Variants in FTO observed in about 807,000 individuals in gnomAD.
FTO encodes the protein alpha-ketoglutarate-dependent dioxygenase FTO.
A neutral mutation model predicts 63.9 loss-of-function variants in FTO; 47 were observed. The observed-to-expected ratio is 0.74, with a 90% CI of 0.58 to 0.94. FTO has a LOEUF of 0.94. Among genes scored for constraint, FTO ranks in the 40% least tolerant of loss-of-function variants. The pLI is 0.00. For synonymous variants in FTO, 207 were observed against 224.4 expected, an observed-to-expected ratio of 0.92 and a Z score of 0.69; for missense variants, 562 against 618.1, an observed-to-expected ratio of 0.91 and a Z score of 0.96.
At chr16:53,980,261 A>T (rs1486803759) in intron 8 of FTO, among the ~76,000 whole-genome samples, 1 of 152,080 alleles carries the variant, frequency 6.6e-6, no homozygotes, top group African/African-American at 2.4e-5. Flanking sequence ...GGCTCCTTTT[A>T]CCGAACAATT....
At chr16:53,839,763 G>T (rs371414320) in intron 3 of FTO, among the ~76,000 whole-genome samples, 3 of 146,432 alleles carry the variant, frequency 2.0e-5, no homozygotes, top group Admixed American at 6.9e-5. Flanking sequence ...CATTATAATT[G>T]GTTTTCTTTT....
chr16:54,028,770 C>T (rs1308533183), intron 8 of FTO, among the ~76,000 whole-genome samples: 1 of 151,954 alleles, frequency 6.6e-6, no homozygotes, highest in Admixed American at 6.6e-5. Flanking sequence ...ATAAATTATA[C>T]TCTGCATATT....
chr16:54,026,105 T>C (rs1292222299), intron 8 of FTO, among the ~76,000 whole-genome samples: 1 of 152,254 alleles, frequency 6.6e-6, no homozygotes, highest in Non-Finnish European at 1.5e-5. Flanking sequence ...CATGTTTGGC[T>C]GCAAATATCA....
rs539766503 is a variant in FTO, at chr16:54,068,075, C to G, written c.1365-43687C>G. Among the ~76,000 whole-genome samples the G allele has an allele frequency of 3.4e-3, 512 of 152,052 alleles. 5 individuals are homozygous for G. Among genetic ancestry groups the G allele is most frequent in the African/African-American group, 0.012 (487 of 41,474 alleles). On this transcript the variant is annotated intron_variant, in intron 8 of 8. Transcript: ENST00000471389. ...TAAATTTGTCTTTTTCAATACCTGC[C>G]TGTGTGCTACCTTCAGCTTGCACAA... is the stretch of plus-strand genomic sequence containing the variant.
intron 7 of FTO, among the ~76,000 whole-genome samples, chr16:53,928,946 C>A (rs112936938): frequency 7.9e-5 from 12 of 151,908 alleles, no homozygotes; most frequent in Non-Finnish European, 1.6e-4. Flanking sequence ...TGGGTTCAAG[C>A]GATTCTCCTG....
chr16:53,889,410 G>A (rs1347963136), intron 7 of FTO, among the ~76,000 whole-genome samples: 2 of 152,174 alleles, frequency 1.3e-5, no homozygotes, highest in African/African-American at 2.4e-5. Flanking sequence ...GGCACAGCAA[G>A]GTGGAAACTC....
intron 8 of FTO, among the ~76,000 whole-genome samples, chr16:54,044,692 G>C (rs1179320811): frequency 3.3e-5 from 2 of 60,496 alleles, no homozygotes; most frequent in Non-Finnish European, 5.1e-5. Flanking sequence ...TTCCAAAATT[G>C]ACCACATAGT....
intron 8 of FTO, among the ~76,000 whole-genome samples, chr16:54,092,297 C>T (rs2086404854): frequency 6.6e-6 from 1 of 152,068 alleles, no homozygotes; most frequent in Admixed American, 6.6e-5. Context: ...CAAAACAAAA[C>T]ATTAAGAGGA....
At position 53,878,194 on chromosome 16, in the gene FTO, A is replaced by C. The variant is rs1035671871; in HGVS notation, c.976-1650A>C. Among the ~76,000 whole-genome samples, 6 of 152,250 alleles carry C rather than the reference A, an allele frequency of 3.9e-5. No homozygotes were observed. In the East Asian group the frequency reaches 1.2e-3, roughly 29 times the overall value. On this transcript the variant is annotated intron_variant, in intron 5 of 8. Transcript: ENST00000471389. ...ACATCTTTAATCCCAGCTACTTGGGAGGCTGAGGCAGGAGAATTGCTTGAG... is the reference window on the plus strand; with the variant it reads ...ACATCTTTAATCCCAGCTACTTGGGCGGCTGAGGCAGGAGAATTGCTTGAG...
At chr16:54,011,506 C>G (rs2084333356) in intron 8 of FTO, among the ~76,000 whole-genome samples, 2 of 152,156 alleles carry the variant, frequency 1.3e-5, no homozygotes, top group African/African-American at 4.8e-5. Flanking sequence ...ATAGCTGTAA[C>G]AGGCATACCT....
intron 1 of FTO, 137 bp from the exon 2 acceptor site, chr16:53,810,003 A>G (rs1326658149): frequency 1.7e-6 from 1 of 605,612 alleles, no homozygotes; most frequent in African/African-American, 1.9e-5. Context: ...TTGAGATTTG[A>G]CTAATTTCTA....
intron 8 of FTO, among the ~76,000 whole-genome samples, chr16:53,977,260 C>T (rs1037171657): frequency 1.3e-5 from 2 of 151,978 alleles, no homozygotes; most frequent in Admixed American, 1.3e-4. Flanking sequence ...GGGTTTTCTC[C>T]TTTGTTCTTT....
At chr16:54,048,774 C>T (rs2085244837) in intron 8 of FTO, among the ~76,000 whole-genome samples, 3 of 152,162 alleles carry the variant, frequency 2.0e-5, no homozygotes, top group Admixed American at 2.0e-4. Context: ...ATTCAAGCCT[C>T]CGAGTTGACA....
At chr16:54,074,911 AGAGAGAGTGTGT>A (rs1256032053) in intron 8 of FTO, among the ~76,000 whole-genome samples, 5 of 115,864 alleles carry the variant, frequency 4.3e-5, no homozygotes, top group African/African-American at 1.5e-4. Flanking sequence ...AGAGAGAGAG[AGAGAGAGTGTGT>A]GTGTGTGTGT....
intron 4 of FTO, among the ~76,000 whole-genome samples, chr16:53,854,770 T>A (rs942290992): frequency 3.9e-5 from 6 of 152,158 alleles, no homozygotes; most frequent in African/African-American, 1.4e-4. Context: ...TCAGGCTCTT[T>A]TTTGGTTCTG....
At chr16:53,927,431 T>C (rs2082171706) in intron 7 of FTO, among the ~76,000 whole-genome samples, 1 of 152,120 alleles carries the variant, frequency 6.6e-6, no homozygotes. Flanking sequence ...AAATCTTATG[T>C]TTGAGGCAGT....
Position 53,826,359 on chromosome 16 carries a change from A to T in FTO, c.619A>T (p.Met207Leu), listed in dbSNP as rs138348216. Reference protein sequence around the residue: ...AAYNVTLLNFMDPQKMPYLKE... With the variant: ...AAYNVTLLNFLDPQKMPYLKE... ...ATACAACGTAACTTTGCTGAATTTC[A>T]TGGATCCTCAGAAAATGCCATACCT... The change falls in exon 3 of 9, where the codon ATG becomes TTG. Residue 207 changes from methionine (M) to leucine (L), a missense_variant. Transcript: ENST00000471389. 1.2e-6 allele frequency: 2 copies of T among 1,614,178 alleles called. No individual in the cohort carries two copies. Among genetic ancestry groups the T allele is most frequent in the Non-Finnish European group, 1.7e-6 (2 of 1,180,012 alleles).
At chr16:53,749,137 A>T (rs889350470) in intron 1 of FTO, among the ~76,000 whole-genome samples, 3 of 152,190 alleles carry the variant, frequency 2.0e-5, no homozygotes, top group African/African-American at 7.2e-5. Context: ...ATATAGAAAG[A>T]CTACTGATTT....
intron 3 of FTO, among the ~76,000 whole-genome samples, chr16:53,842,996 G>A (rs772991624): frequency 3.3e-5 from 5 of 152,072 alleles, no homozygotes; most frequent in Non-Finnish European, 7.4e-5. Flanking sequence ...TTCTATATGA[G>A]TATAGCCTAT....
Sources: gnomAD v4.1 joint callset for allele counts (sites outside exome capture counted in the v4.1 genomes callset) on GRCh38, gnomAD v4.1.1 for gene constraint, MANE v1.5 for transcripts, NCBI Gene and HGNC (gene_info 2026-07-23, HGNC 2026-07-21) for gene names.